Variants in RIN2 observed in about 807,000 individuals in gnomAD.
RIN2 encodes the protein Ras and Rab interactor 2, also known as RAB5 interacting protein 2.
RIN2 carries 36 observed loss-of-function variants against 78.0 expected under a neutral mutation model. That is an observed-to-expected ratio of 0.46 (90% CI 0.35 to 0.61). The LOEUF is 0.61. Among genes scored for constraint, RIN2 ranks in the 20% least tolerant of loss-of-function variants. The probability of loss-of-function intolerance (pLI) is 0.00; values close to 1 mark genes in which losing one functional copy is unlikely to be tolerated. For missense variants in RIN2, 1,087 were observed against 1,159.7 expected, an observed-to-expected ratio of 0.94 and a Z score of 0.91; for synonymous variants, 466 against 466.8, an observed-to-expected ratio of 1.00 and a Z score of 0.02.
At chr20:19,848,395 G>A (rs982888973) in intron 2 of RIN2, among the ~76,000 whole-genome samples, 12 of 151,802 alleles carry the variant, frequency 7.9e-5, no homozygotes, top group Admixed American at 1.3e-4. Context: ...AATTAGCTGG[G>A]CGTGGTGGTG....
chr20:19,772,382 G>T (rs2034161521), intron 1 of RIN2, among the ~76,000 whole-genome samples: 1 of 152,126 alleles, frequency 6.6e-6, no homozygotes, highest in African/African-American at 2.4e-5. Context: ...TTTTGTCAAG[G>T]TCACCGATGA....
chr20:19,898,007 C>T (rs1343662393), intron 3 of RIN2, among the ~76,000 whole-genome samples: 5 of 152,208 alleles, frequency 3.3e-5, no homozygotes, highest in African/African-American at 1.2e-4. Flanking sequence ...AGCTTTGGTG[C>T]CCAGCCTGTT....
At chr20:19,879,249 A>G (rs908232757) in intron 2 of RIN2, among the ~76,000 whole-genome samples, 2 of 152,232 alleles carry the variant, frequency 1.3e-5, no homozygotes, top group Non-Finnish European at 2.9e-5. Context: ...GGCAACAGAT[A>G]TCTCTGAGAG....
intron 3 of RIN2, among the ~76,000 whole-genome samples, chr20:19,891,832 A>G (rs896210604): frequency 8.5e-5 from 13 of 152,192 alleles, no homozygotes; most frequent in African/African-American, 2.9e-4. Context: ...CCATCTAAAA[A>G]AAGAAGAAGA....
chr20:19,886,274 C>T (rs1338611563), intron 2 of RIN2, among the ~76,000 whole-genome samples: 1 of 152,226 alleles, frequency 6.6e-6, no homozygotes, highest in Non-Finnish European at 1.5e-5. Flanking sequence ...GGGGAGCCAG[C>T]CTCCAGCGGT....
chr20:19,898,127 G>A (rs947292227), intron 3 of RIN2, among the ~76,000 whole-genome samples: 2 of 152,260 alleles, frequency 1.3e-5, no homozygotes, highest in Admixed American at 6.5e-5. Context: ...TGAGCCTATC[G>A]AACAGAAATT....
chr20:19,983,905 C>A (rs1183052676), intron 9 of RIN2, among the ~76,000 whole-genome samples: 1 of 151,552 alleles, frequency 6.6e-6, no homozygotes, highest in Non-Finnish European at 1.5e-5. Context: ...TATTATTATA[C>A]TTCTAGGGTA....
chr20:19,981,053 C>G (rs867049906), intron 9 of RIN2, among the ~76,000 whole-genome samples: 3 of 144,630 alleles, frequency 2.1e-5, no homozygotes, highest in African/African-American at 7.4e-5. Context: ...GTGTGGTTTA[C>G]AAAGCACTTT....
intron 1 of RIN2, among the ~76,000 whole-genome samples, chr20:19,766,817 C>T (rs2033903734): frequency 6.6e-6 from 1 of 150,836 alleles, no homozygotes; most frequent in Non-Finnish European, 1.5e-5. Flanking sequence ...GAGATTGAGG[C>T]AAGAGAATTG....
intron 4 of RIN2, among the ~76,000 whole-genome samples, chr20:19,952,951 TC>T (rs1241494324): frequency 6.6e-6 from 1 of 152,146 alleles, no homozygotes; most frequent in Non-Finnish European, 1.5e-5. Flanking sequence ...CTCAGATTGG[TC>T]ACTGAGAGCT....
intron 3 of RIN2, among the ~76,000 whole-genome samples, chr20:19,892,213 A>C (rs937926367): frequency 7.1e-4 from 108 of 152,094 alleles, no homozygotes; most frequent in African/African-American, 2.5e-3. Context: ...TTAATTCATT[A>C]ATTAATTAAT....
chr20:19,770,123 C>G (rs551171596), intron 1 of RIN2, among the ~76,000 whole-genome samples: 37 of 152,256 alleles, frequency 2.4e-4, no homozygotes, highest in African/African-American at 8.4e-4. Flanking sequence ...AAAAGCTATG[C>G]TCAAGTTTTT....
At chr20:19,910,392 C>T (rs1282241978) in intron 3 of RIN2, among the ~76,000 whole-genome samples, 6 of 123,720 alleles carry the variant, frequency 4.8e-5, no homozygotes, top group Non-Finnish European at 7.3e-5. Flanking sequence ...AGGCTGGTCT[C>T]GAACTCCTCA....
At chr20:19,777,055 T>C (rs937090318) in intron 1 of RIN2, among the ~76,000 whole-genome samples, 1 of 151,672 alleles carries the variant, frequency 6.6e-6, no homozygotes, top group Non-Finnish European at 1.5e-5. Flanking sequence ...GGAAAAGGAG[T>C]GAGGGAGGAA....
rs568379596 is a variant in RIN2, at chr20:19,784,801, A to G, written c.-162-14821A>G. On this transcript the variant is annotated intron_variant, in intron 1 of 12. Coordinates refer to ENST00000255006, the MANE Select transcript of RIN2 (RefSeq NM_018993.4). ...GGGGTGATGCAGCCCAGATCACATTACCCCTGGAAGGACAGGCCCCATCCT... is the reference window on the plus strand; with the variant it reads ...GGGGTGATGCAGCCCAGATCACATTGCCCCTGGAAGGACAGGCCCCATCCT... Among the ~76,000 whole-genome samples, 3 of 152,086 alleles carry G rather than the reference A, an allele frequency of 2.0e-5. No individual in the cohort carries two copies. In the South Asian group the frequency reaches 6.2e-4, roughly 32 times the overall value.
At chr20:19,977,202 C>T (rs1252988013) in intron 9 of RIN2, among the ~76,000 whole-genome samples, 2 of 152,134 alleles carry the variant, frequency 1.3e-5, no homozygotes, top group Admixed American at 1.3e-4. Flanking sequence ...GAGGGGGGTG[C>T]AGCCAGGCAG....
At chr20:19,844,695 T>C (rs2036719396) in intron 2 of RIN2, among the ~76,000 whole-genome samples, 1 of 12,740 alleles carries the variant, frequency 7.8e-5, no homozygotes, top group African/African-American at 1.5e-4. Flanking sequence ...CCTCTTCCTC[T>C]TCCTCTTCTT....
chr20:19,840,335 C>G lies in RIN2; in HGVS notation c.-37+40588C>G, dbSNP rs972624385. On this transcript the variant is annotated intron_variant, in intron 2 of 12. Coordinates refer to ENST00000255006, the MANE Select transcript of RIN2 (RefSeq NM_018993.4). ...CAGTGGCCACGCTCAGCACTGCATA[C>G]TTGGGCAGCAGTTTGCGGTTGGTTG... 3.9e-5 allele frequency among the ~76,000 whole-genome samples: 6 copies of G among 152,332 alleles called. No individual in the cohort carries two copies. In the East Asian group the frequency reaches 9.6e-4, roughly 24 times the overall value.
chr20:19,996,309 G>A (rs563712640), intron 11 of RIN2, among the ~76,000 whole-genome samples: 5 of 151,786 alleles, frequency 3.3e-5, no homozygotes, highest in African/African-American at 4.8e-5. Flanking sequence ...GCAAGACGCC[G>A]TCTCAAAAAC....
Sources: gnomAD v4.1 joint callset for allele counts (sites outside exome capture counted in the v4.1 genomes callset) on GRCh38, gnomAD v4.1.1 for gene constraint, MANE v1.5 for transcripts, NCBI Gene and HGNC (gene_info 2026-07-23, HGNC 2026-07-21) for gene names.